PRKN: variants seen among roughly 807,000 people sequenced by gnomAD.
PRKN encodes the protein parkin RBR E3 ubiquitin protein ligase.
A neutral mutation model predicts 59.5 loss-of-function variants in PRKN; 56 were observed. That is an observed-to-expected ratio of 0.94 (90% CI 0.76 to 1.18). PRKN has a LOEUF of 1.18. Ranked by LOEUF, PRKN falls within the 50% of genes most tolerant of loss-of-function variation. PRKN has a pLI of 0.00. For synonymous variants in PRKN, 250 were observed against 222.1 expected, an observed-to-expected ratio of 1.13 and a Z score of -1.12; for missense variants, 657 against 596.4, an observed-to-expected ratio of 1.10 and a Z score of -1.06.
intron 9 of PRKN, among the ~76,000 whole-genome samples, chr6:161,542,064 A>T (rs190502804): frequency 6.6e-6 from 1 of 152,302 alleles, no homozygotes; most frequent in East Asian, 1.9e-4. Flanking sequence ...AGCCTACTCA[A>T]CATGAAGATG....
chr6:162,583,390 A>C (rs542418556), intron 1 of PRKN, among the ~76,000 whole-genome samples: 13 of 152,218 alleles, frequency 8.5e-5, no homozygotes, highest in Non-Finnish European at 1.8e-4. Context: ...CACTGCGAGA[A>C]ATTCTTTGTG....
intron 4 of PRKN, among the ~76,000 whole-genome samples, chr6:162,089,852 A>T (rs533467144): frequency 6.6e-6 from 1 of 152,302 alleles, no homozygotes; most frequent in African/African-American, 2.4e-5. Context: ...AGACAAAGTC[A>T]ATTTGTGGTA....
At chr6:162,424,783 G>C (rs1271433848) in intron 2 of PRKN, among the ~76,000 whole-genome samples, 2 of 151,900 alleles carry the variant, frequency 1.3e-5, no homozygotes, top group Admixed American at 6.6e-5. Flanking sequence ...ACTGGCGGAT[G>C]GGGGTGGGAA....
intron 7 of PRKN, among the ~76,000 whole-genome samples, chr6:161,651,835 C>T (rs924460529): frequency 1.3e-5 from 2 of 152,140 alleles, no homozygotes; most frequent in African/African-American, 4.8e-5. Context: ...TACCAAGAGC[C>T]CTGAGCTGGG....
chr6:162,055,676 G>A (rs1213375856), intron 4 of PRKN, among the ~76,000 whole-genome samples: 1 of 152,134 alleles, frequency 6.6e-6, no homozygotes, highest in Non-Finnish European at 1.5e-5. Context: ...CCCAGTGCAA[G>A]GCAGAAGGTT....
chr6:161,448,933 C>T lies in PRKN; in HGVS notation c.1084-62056G>A, dbSNP rs1036170259. On this transcript the variant is annotated intron_variant, in intron 9 of 11. Transcript: ENST00000366898. The surrounding 1 kb of genome is among the most constrained non-coding windows in gnomAD (Gnocchi z 5.1). ...ACACAGGAAGCCCAGTGTGTTCTCC[C>T]CAAGGTCACATTAAAAAGGTGGTGC... 1.3e-5 allele frequency among the ~76,000 whole-genome samples: 2 copies of T among 152,126 alleles called. No individual in the cohort carries two copies. Among genetic ancestry groups the T allele is most frequent in the South Asian group, 2.1e-4 (1 of 4,830 alleles).
intron 1 of PRKN, among the ~76,000 whole-genome samples, chr6:162,709,343 C>T (rs1205479506): frequency 1.3e-5 from 2 of 150,630 alleles, no homozygotes; most frequent in South Asian, 2.1e-4. Context: ...TACTGTCTTA[C>T]TGGGTATGCC....
chr6:162,499,515 A>G (rs1375405627), intron 1 of PRKN, among the ~76,000 whole-genome samples: 1 of 152,186 alleles, frequency 6.6e-6, no homozygotes, highest in Non-Finnish European at 1.5e-5. Context: ...CAACCAATAC[A>G]TATTTACTGA....
At chr6:162,664,076 T>C (rs1401922757) in intron 1 of PRKN, among the ~76,000 whole-genome samples, 1 of 151,954 alleles carries the variant, frequency 6.6e-6, no homozygotes, top group African/African-American at 2.4e-5. Flanking sequence ...GGCCCTGGTG[T>C]GTGTTGTTAC....
At chr6:162,425,083 A>G (rs913638310) in intron 2 of PRKN, among the ~76,000 whole-genome samples, 2 of 152,020 alleles carry the variant, frequency 1.3e-5, no homozygotes, top group African/African-American at 4.8e-5. Context: ...AAATCTACCC[A>G]TCAGAACAGG....
At chr6:161,513,900 AAT>A (rs1408978901) in intron 9 of PRKN, among the ~76,000 whole-genome samples, 1 of 152,102 alleles carries the variant, frequency 6.6e-6, no homozygotes, top group South Asian at 2.1e-4. Context: ...TGACAAATAG[AAT>A]ACCTTCCTGA....
At chr6:162,336,833 T>C (rs190797092) in intron 2 of PRKN, among the ~76,000 whole-genome samples, 29 of 152,274 alleles carry the variant, frequency 1.9e-4, no homozygotes, top group African/African-American at 7.0e-4. Context: ...CTTTCAAAGG[T>C]ACTGGTGAGT....
chr6:162,419,805 C>A (rs117324597), intron 2 of PRKN, among the ~76,000 whole-genome samples: 15 of 104,132 alleles, frequency 1.4e-4, no homozygotes, highest in Middle Eastern at 4.8e-3. Context: ...GGGACAGGGA[C>A]AGAGAAAGAG....
intron 6 of PRKN, among the ~76,000 whole-genome samples, chr6:161,806,834 G>A (rs1791347325): frequency 6.6e-6 from 1 of 152,200 alleles, no homozygotes; most frequent in Non-Finnish European, 1.5e-5. Context: ...TCGAGTTGGA[G>A]AAATGTTTGA....
intron 1 of PRKN, among the ~76,000 whole-genome samples, chr6:162,674,800 G>A (rs1401496915): frequency 6.6e-6 from 1 of 152,126 alleles, no homozygotes; most frequent in African/African-American, 2.4e-5. Flanking sequence ...AACAACTAAT[G>A]CTAGGTAATA....
chr6:162,036,270 G>C (rs533265724), intron 5 of PRKN, among the ~76,000 whole-genome samples: 14 of 151,958 alleles, frequency 9.2e-5, no homozygotes, highest in African/African-American at 3.1e-4. Flanking sequence ...CTTGCAGTGA[G>C]CCGAGATCAC....
At chr6:161,862,033 A>T (rs1167134407) in intron 6 of PRKN, among the ~76,000 whole-genome samples, 8 of 152,200 alleles carry the variant, frequency 5.3e-5, no homozygotes, top group Non-Finnish European at 1.2e-4. Flanking sequence ...TTTGGGCCAC[A>T]TCACTGCAAT....
intron 7 of PRKN, among the ~76,000 whole-genome samples, chr6:161,672,408 C>G (rs1369095945): frequency 6.6e-6 from 1 of 152,144 alleles, no homozygotes; most frequent in Non-Finnish European, 1.5e-5. Context: ...TTCATTTTAA[C>G]AAGCTTTTCA....
intron 4 of PRKN, among the ~76,000 whole-genome samples, chr6:162,179,345 G>A (rs1050673209): frequency 6.6e-6 from 1 of 152,172 alleles, no homozygotes; most frequent in Admixed American, 6.5e-5. Context: ...GTCCACCTGA[G>A]GGGACGGTCC....
Sources: allele counts gnomAD v4.1 joint callset (sites outside exome capture counted in the v4.1 genomes callset), GRCh38; gene constraint gnomAD v4.1.1; non-coding constraint Gnocchi (gnomAD v3.1); transcripts MANE v1.5; gene names NCBI Gene and HGNC (gene_info 2026-07-23, HGNC 2026-07-21).